Variants in PCGF6 observed in about 807,000 individuals in gnomAD.
The protein encoded by PCGF6 is polycomb group ring finger 6.
A neutral mutation model predicts 45.5 loss-of-function variants in PCGF6; 24 were observed. The ratio of observed to expected loss-of-function variants is 0.53; its 90% CI spans 0.38 to 0.74. The LOEUF is 0.74. Ranked by LOEUF, PCGF6 falls within the 30% of genes least tolerant of loss-of-function variation. The probability of loss-of-function intolerance (pLI) is 0.00; values close to 1 mark genes in which losing one functional copy is unlikely to be tolerated. For synonymous variants in PCGF6, 152 were observed against 162.1 expected (o/e 0.94, Z 0.47); for missense variants, 356 against 443.2 (o/e 0.80, Z 1.77).
At chr10:103,344,969 C>T in intron 6 of PCGF6, 55 bp downstream of exon 6, 3 of 1,207,656 alleles carry the variant, frequency 2.5e-6, no homozygotes, top group South Asian at 2.8e-5. Flanking sequence ...CAATGATTTC[C>T]TATTAGGACT....
intron 3 of PCGF6, 65 bp from the exon 4 acceptor site, chr10:103,347,515 G>A: frequency 1.5e-6 from 2 of 1,323,734 alleles, no homozygotes; most frequent in Non-Finnish European, 2.1e-6. Flanking sequence ...TACAGAGTGA[G>A]TTAATTGTGT....
At chr10:103,315,960 C>T (rs1352587027) in intron 8 of PCGF6, among the ~76,000 whole-genome samples, 1 of 147,470 alleles carries the variant, frequency 6.8e-6, no homozygotes, top group Admixed American at 6.9e-5. Flanking sequence ...AGAGCCTCAA[C>T]AGCTTATATG....
chr10:103,346,957 C>T (rs1312107061), intron 5 of PCGF6, among the ~76,000 whole-genome samples: 1 of 152,112 alleles, frequency 6.6e-6, no homozygotes, highest in East Asian at 1.9e-4. Context: ...GTATGATTAT[C>T]ATTATTTTGT....
At chr10:103,339,443 C>T (rs1032385523) in intron 6 of PCGF6, among the ~76,000 whole-genome samples, 2 of 151,748 alleles carry the variant, frequency 1.3e-5, no homozygotes, top group Non-Finnish European at 2.9e-5. Flanking sequence ...GAATACCCAT[C>T]ATAACCAACA....
At chr10:103,336,063 CGA>C (rs1445865328) in intron 6 of PCGF6, among the ~76,000 whole-genome samples, 1 of 150,328 alleles carries the variant, frequency 6.7e-6, no homozygotes, top group Non-Finnish European at 1.5e-5. Context: ...CTCAGGAGCT[CGA>C]GACCAGCCTG....
chr10:103,327,422 C>T (rs1319702542), intron 7 of PCGF6, among the ~76,000 whole-genome samples: 3 of 152,120 alleles, frequency 2.0e-5, no homozygotes, highest in Admixed American at 2.0e-4. Flanking sequence ...ATGGACCTTA[C>T]TGAATCCTGA....
intron 6 of PCGF6, among the ~76,000 whole-genome samples, chr10:103,342,070 A>G (rs1410969163): frequency 6.6e-6 from 1 of 151,052 alleles, no homozygotes; most frequent in Non-Finnish European, 1.5e-5. Flanking sequence ...AAGTAGCTGG[A>G]ATCACAGGCA....
At chr10:103,304,196 G>A (rs955033179) in intron 9 of PCGF6, among the ~76,000 whole-genome samples, 1 of 151,394 alleles carries the variant, frequency 6.6e-6, no homozygotes, top group African/African-American at 2.4e-5. Context: ...GAGTGCAGTG[G>A]TGCAATCTCA....
chr10:103,308,941 G>C (rs1358646718), intron 9 of PCGF6, among the ~76,000 whole-genome samples: 1 of 152,096 alleles, frequency 6.6e-6, no homozygotes, highest in Non-Finnish European at 1.5e-5. Flanking sequence ...AGACTTACAT[G>C]GGGACATATA....
chr10:103,324,050 C>T (rs1320436032), intron 8 of PCGF6, among the ~76,000 whole-genome samples: 2 of 150,848 alleles, frequency 1.3e-5, no homozygotes, highest in African/African-American at 4.9e-5. Context: ...TGCAATTCTC[C>T]AGCCTCAGCC....
chr10:103,313,850 A>G (rs2133559111), intron 9 of PCGF6, among the ~76,000 whole-genome samples: 1 of 152,264 alleles, frequency 6.6e-6, no homozygotes, highest in East Asian at 1.9e-4. Context: ...AGGCTTTTAG[A>G]ATCAAACTGC....
At chr10:103,339,801 CA>C (rs200037917) in intron 6 of PCGF6, among the ~76,000 whole-genome samples, 847 of 26,868 alleles carry the variant, frequency 0.032, 24 homozygotes, top group East Asian at 0.12. Flanking sequence ...CTGTCTGTCT[CA>C]AAAAAAAAAC....
intron 1 of PCGF6, among the ~76,000 whole-genome samples, chr10:103,349,205 G>C (rs537533278): frequency 6.6e-6 from 1 of 151,522 alleles, no homozygotes; most frequent in Non-Finnish European, 1.5e-5. Context: ...GCACAACCAC[G>C]CCTGGCTAAT....
At chr10:103,350,657 G>A in intron 1 of PCGF6, 50 bp downstream of exon 1, 12 of 1,396,382 alleles carry the variant, frequency 8.6e-6, no homozygotes, top group Non-Finnish European at 1.1e-5. Flanking sequence ...GGCCAGCTAC[G>A]TCCCTGACGC....
chr10:103,339,733 G>A (rs73334824), intron 6 of PCGF6, among the ~76,000 whole-genome samples: 1,668 of 150,182 alleles, frequency 0.011, 27 homozygotes, highest in African/African-American at 0.038. Context: ...GAGGACTGAG[G>A]TTGCAGTAAG....
chr10:103,314,903 C>T (rs1197248865), intron 8 of PCGF6, among the ~76,000 whole-genome samples: 1 of 135,038 alleles, frequency 7.4e-6, no homozygotes, highest in Non-Finnish European at 1.5e-5. Context: ...TGCAATGAGC[C>T]GAGATCATGC....
At chr10:103,331,770 T>C (rs553917980) in intron 7 of PCGF6, among the ~76,000 whole-genome samples, 1 of 152,160 alleles carries the variant, frequency 6.6e-6, no homozygotes, top group Non-Finnish European at 1.5e-5. Flanking sequence ...GCTTATTATA[T>C]TCCTTCAGTG....
chr10:103,340,759 A>C (rs1331325725), intron 6 of PCGF6, among the ~76,000 whole-genome samples: 3 of 151,844 alleles, frequency 2.0e-5, no homozygotes, highest in African/African-American at 7.3e-5. Flanking sequence ...ACCATGGCCA[A>C]TTAATTTTCT....
chr10:103,325,077 G>C (rs1458786351), intron 8 of PCGF6, among the ~76,000 whole-genome samples: 3 of 151,472 alleles, frequency 2.0e-5, no homozygotes, highest in African/African-American at 7.3e-5. Flanking sequence ...GGAAGTTGCA[G>C]AGAGCCGAGA....
Sources: allele counts gnomAD v4.1 joint callset (sites outside exome capture counted in the v4.1 genomes callset), GRCh38; gene constraint gnomAD v4.1.1; transcripts MANE v1.5; gene names NCBI Gene and HGNC (gene_info 2026-07-23, HGNC 2026-07-21).